The following NR6A1 variants were observed in gnomAD, a reference collection of about 807,000 sequenced individuals.
NR6A1 encodes nuclear receptor subfamily 6 group A member 1, also known as retinoic acid receptor-related testis-associated receptor.
Under a neutral mutation model 59.1 loss-of-function variants are expected in NR6A1, and 7 were observed. The observed-to-expected ratio is 0.12, with a 90% CI of 0.07 to 0.22. The LOEUF (loss-of-function observed/expected upper bound fraction) is 0.22. NR6A1 is among the 10% of genes least tolerant of loss of function. The pLI, the probability that NR6A1 is intolerant of heterozygous loss-of-function variation, is 1.00. For synonymous variants in NR6A1, 243 were observed against 236.1 expected (o/e 1.03, Z -0.27); for missense variants, 468 against 611.6 (o/e 0.77, Z 2.48).
chr9:124,708,257 T>A (rs1329168279), intron 2 of NR6A1, among the ~76,000 whole-genome samples: 1 of 152,094 alleles, frequency 6.6e-6, no homozygotes, highest in Non-Finnish European at 1.5e-5. Context: ...CCTGCAGCAG[T>A]CATAAAGCTA....
At chr9:124,714,844 TAACAAGAAAA>T (rs1231233991) in intron 2 of NR6A1, among the ~76,000 whole-genome samples, 1 of 151,918 alleles carries the variant, frequency 6.6e-6, no homozygotes, top group Non-Finnish European at 1.5e-5. Flanking sequence ...TTTAAAACAC[TAACAAGAAAA>T]AAGAAAGATG....
At chr9:124,553,703 T>A (rs1349142646) in intron 3 of NR6A1, among the ~76,000 whole-genome samples, 2 of 151,996 alleles carry the variant, frequency 1.3e-5, no homozygotes, top group Non-Finnish European at 2.9e-5. Flanking sequence ...CTGTGTGCCA[T>A]TATTTCCCCC....
chr9:124,523,403 T>C (rs1234532299), intron 9 of NR6A1, among the ~76,000 whole-genome samples: 2 of 152,238 alleles, frequency 1.3e-5, no homozygotes, highest in Non-Finnish European at 2.9e-5. Flanking sequence ...GCTGTGTTTC[T>C]TCTGGCAAAC....
intron 2 of NR6A1, among the ~76,000 whole-genome samples, chr9:124,728,212 G>A (rs988167910): frequency 1.3e-5 from 2 of 151,498 alleles, no homozygotes; most frequent in Non-Finnish European, 2.9e-5. Flanking sequence ...TGTATTTTTA[G>A]TAGAGACGGG....
At chr9:124,568,169 C>CAAAAAAAAAA (rs34652433) in intron 2 of NR6A1, among the ~76,000 whole-genome samples, 5 of 30,446 alleles carry the variant, frequency 1.6e-4, no homozygotes, top group African/African-American at 1.1e-4. Context: ...TACTTCATCT[C>CAAAAAAAAAA]AAAAAAAAAA....
intron 2 of NR6A1, among the ~76,000 whole-genome samples, chr9:124,586,189 T>C (rs36011608): frequency 0.021 from 3,176 of 152,344 alleles, 47 homozygotes; most frequent in Non-Finnish European, 0.033. Context: ...ATTCCTCTGA[T>C]GGATCTAGGA....
chr9:124,765,474 C>G (rs943829095), intron 1 of NR6A1, among the ~76,000 whole-genome samples: 2 of 152,134 alleles, frequency 1.3e-5, no homozygotes, highest in Admixed American at 1.3e-4. Context: ...TTCAATTATT[C>G]CTATAATTTT....
At chr9:124,595,716 A>C in intron 2 of NR6A1, 2 of 1,150,624 alleles carry the variant, frequency 1.7e-6, no homozygotes, top group Non-Finnish European at 2.3e-6. Context: ...AAAATTTCTA[A>C]CCCTTAGATT....
chr9:124,664,985 C>A (rs908005313), intron 2 of NR6A1, among the ~76,000 whole-genome samples: 4 of 56,822 alleles, frequency 7.0e-5, no homozygotes, highest in Non-Finnish European at 1.3e-4. Context: ...CCAGGCTGGG[C>A]AATATAATAA....
chr9:124,612,920 T>G (rs1327763981), intron 2 of NR6A1, among the ~76,000 whole-genome samples: 1 of 152,336 alleles, frequency 6.6e-6, no homozygotes, highest in Middle Eastern at 3.4e-3. Context: ...GCCAAGCCCA[T>G]GCTTTAAAAT....
chr9:124,553,704 T>C (rs16927518), intron 3 of NR6A1, among the ~76,000 whole-genome samples: 5,974 of 151,966 alleles, frequency 0.039, 344 homozygotes, highest in African/African-American at 0.12. Flanking sequence ...TGTGTGCCAT[T>C]ATTTCCCCCG....
chr9:124,592,052 G>A (rs953636857), intron 2 of NR6A1, among the ~76,000 whole-genome samples: 3 of 152,168 alleles, frequency 2.0e-5, no homozygotes, highest in African/African-American at 7.2e-5. Context: ...AAAAATTGGT[G>A]GTCGCGGGGT....
intron 2 of NR6A1, among the ~76,000 whole-genome samples, chr9:124,636,074 GTTGTT>G (rs1836602376): frequency 6.6e-6 from 1 of 152,174 alleles, no homozygotes. Context: ...GTTTCTGATT[GTTGTT>G]TTAATTTGCA....
At chr9:124,735,710 T>C (rs1397353002) in intron 1 of NR6A1, among the ~76,000 whole-genome samples, 1 of 152,226 alleles carries the variant, frequency 6.6e-6, no homozygotes, top group Admixed American at 6.5e-5. Context: ...CCAGGTGTCT[T>C]AGTCCATTCA....
At chr9:124,753,228 T>A (rs1840554957) in intron 1 of NR6A1, among the ~76,000 whole-genome samples, 1 of 152,224 alleles carries the variant, frequency 6.6e-6, no homozygotes. Flanking sequence ...GTTTTTCTAG[T>A]GCCTCTCTAG....
At chr9:124,647,197 A>T (rs1305689184) in intron 2 of NR6A1, among the ~76,000 whole-genome samples, 2 of 152,212 alleles carry the variant, frequency 1.3e-5, no homozygotes, top group African/African-American at 2.4e-5. Flanking sequence ...GATTACAGGC[A>T]TGAGCCACAG....
At chr9:124,575,614 T>C (rs1206646631) in intron 2 of NR6A1, among the ~76,000 whole-genome samples, 3 of 152,126 alleles carry the variant, frequency 2.0e-5, no homozygotes, top group African/African-American at 7.2e-5. Context: ...AGCTTTAACA[T>C]TTACTGAATG....
chr9:124,714,848 A>G (rs1839369002), intron 2 of NR6A1, among the ~76,000 whole-genome samples: 2 of 152,164 alleles, frequency 1.3e-5, no homozygotes, highest in Admixed American at 1.3e-4. Context: ...AAACACTAAC[A>G]AGAAAAAAGA....
At chr9:124,743,180 T>C (rs1253719577) in intron 1 of NR6A1, among the ~76,000 whole-genome samples, 2 of 152,228 alleles carry the variant, frequency 1.3e-5, no homozygotes, top group Non-Finnish European at 2.9e-5. Flanking sequence ...ACACTTTTCT[T>C]GGATTGGCTG....
Sources: allele counts gnomAD v4.1 joint callset (sites outside exome capture counted in the v4.1 genomes callset), GRCh38; gene constraint gnomAD v4.1.1; transcripts MANE v1.5; gene names NCBI Gene and HGNC (gene_info 2026-07-23, HGNC 2026-07-21).